The following FER1L6 variants were observed in gnomAD, a reference collection of about 807,000 sequenced individuals.
FER1L6 encodes the protein fer-1-like protein 6.
In FER1L6, 177 loss-of-function variants were observed where a neutral mutation model predicts 219.2. The ratio of observed to expected loss-of-function variants is 0.81; its 90% CI spans 0.71 to 0.91. The LOEUF (loss-of-function observed/expected upper bound fraction) is 0.91, where lower values mean the gene tolerates loss of function less well. FER1L6 is among the 40% of genes least tolerant of loss of function. The probability of loss-of-function intolerance (pLI) is 0.00; values close to 1 mark genes in which losing one functional copy is unlikely to be tolerated. For synonymous variants in FER1L6, 768 were observed against 824.3 expected, an observed-to-expected ratio of 0.93 and a Z score of 1.17; for missense variants, 2,153 against 2,259.9, an observed-to-expected ratio of 0.95 and a Z score of 0.96.
chr8:123,867,070 G>A (rs562309711), intron 1 of FER1L6, among the ~76,000 whole-genome samples: 77 of 152,216 alleles, frequency 5.1e-4, no homozygotes, highest in African/African-American at 1.8e-3. Flanking sequence ...TTATTTTGAT[G>A]CAATCTCATT....
At chr8:123,935,980 T>C (rs1813976127) in intron 1 of FER1L6, among the ~76,000 whole-genome samples, 1 of 152,178 alleles carries the variant, frequency 6.6e-6, no homozygotes, top group Admixed American at 6.5e-5. Context: ...TGAAAATGTT[T>C]TTCCAAAGCG....
At chr8:124,119,437 C>T (rs1823388454) in intron 40 of FER1L6, among the ~76,000 whole-genome samples, 170 bp from the exon 41 acceptor site, 1 of 152,138 alleles carries the variant, frequency 6.6e-6, no homozygotes, top group African/African-American at 2.4e-5. Context: ...GAATCCTCAT[C>T]ATATAAATGT....
chr8:123,871,939 G>T (rs546265265), intron 1 of FER1L6, among the ~76,000 whole-genome samples: 20 of 152,266 alleles, frequency 1.3e-4, no homozygotes, highest in African/African-American at 4.1e-4. Flanking sequence ...GGCTGTTCTT[G>T]CATTGCTATA....
chr8:123,974,582 G>GCTA (rs1815965014), intron 7 of FER1L6, among the ~76,000 whole-genome samples: 1 of 144,904 alleles, frequency 6.9e-6, no homozygotes. Context: ...GTTGCAGTGA[G>GCTA]CTAAGATCAT....
chr8:123,854,333 T>C (rs1487645403), intron 1 of FER1L6, among the ~76,000 whole-genome samples: 2 of 152,138 alleles, frequency 1.3e-5, no homozygotes, highest in Non-Finnish European at 2.9e-5. Flanking sequence ...TCTGGGGAAA[T>C]CCAAGGCTCC....
intron 1 of FER1L6, among the ~76,000 whole-genome samples, chr8:123,914,156 G>T (rs1586459526): frequency 6.6e-6 from 1 of 152,216 alleles, no homozygotes; most frequent in Non-Finnish European, 1.5e-5. Context: ...CACATAGATT[G>T]GTGGCTACCA....
At chr8:123,981,108 G>A (rs573817233) in intron 11 of FER1L6, among the ~76,000 whole-genome samples, 4 of 152,142 alleles carry the variant, frequency 2.6e-5, no homozygotes, top group Admixed American at 6.5e-5. Flanking sequence ...TGGGTGGTAC[G>A]GGATTGATTA....
rs542701341 is a variant in FER1L6, at chr8:123,953,975, C to G, written c.-7-2017C>G. Among the ~76,000 whole-genome samples, 6 of 152,300 alleles carry G rather than the reference C, an allele frequency of 3.9e-5. No individual in the cohort carries two copies. In the East Asian group the frequency reaches 1.2e-3, roughly 29 times the overall value. On this transcript the variant is annotated intron_variant, in intron 1 of 40. Transcript: ENST00000522917. Reference sequence around the variant, plus strand: ...GGGAGATTTAGGATGATGTTCTCATCAGAGGATGATGGCAAATCAAAGGGG... The same window carrying G: ...GGGAGATTTAGGATGATGTTCTCATGAGAGGATGATGGCAAATCAAAGGGG...
chr8:123,959,213 G>A (rs1444739022), intron 2 of FER1L6, among the ~76,000 whole-genome samples: 2 of 152,106 alleles, frequency 1.3e-5, no homozygotes, highest in African/African-American at 4.8e-5. Context: ...TTTCTACCTC[G>A]ATGTCTCACC....
intron 1 of FER1L6, among the ~76,000 whole-genome samples, chr8:123,946,708 C>A (rs1814508607): frequency 6.6e-6 from 1 of 152,124 alleles, no homozygotes; most frequent in South Asian, 2.1e-4. Flanking sequence ...GTTACATACT[C>A]AATCTTCCCT....
intron 1 of FER1L6, among the ~76,000 whole-genome samples, chr8:123,901,663 C>T (rs182395516): frequency 3.3e-5 from 5 of 151,664 alleles, no homozygotes; most frequent in Admixed American, 6.6e-5. Flanking sequence ...CTCTTAGCAC[C>T]GCCTTTGCCG....
At chr8:124,080,681 C>T (rs1381226134) in intron 32 of FER1L6, among the ~76,000 whole-genome samples, 1 of 152,074 alleles carries the variant, frequency 6.6e-6, no homozygotes, top group Non-Finnish European at 1.5e-5. Context: ...TATACGGACC[C>T]ACAGCTTGGG....
intron 1 of FER1L6, among the ~76,000 whole-genome samples, chr8:123,895,544 G>C (rs1315262142): frequency 6.6e-6 from 1 of 152,142 alleles, no homozygotes; most frequent in African/African-American, 2.4e-5. Flanking sequence ...CCCACAGCTC[G>C]TAGGTCGCGG....
chr8:124,068,170 T>C (rs904235127), intron 28 of FER1L6, among the ~76,000 whole-genome samples: 24 of 152,158 alleles, frequency 1.6e-4, no homozygotes, highest in African/African-American at 5.3e-4. Context: ...GTCTACAGGA[T>C]TGGATAGATC....
At chr8:123,953,417 C>T (rs1433079393) in intron 1 of FER1L6, among the ~76,000 whole-genome samples, 3 of 152,134 alleles carry the variant, frequency 2.0e-5, no homozygotes, top group South Asian at 4.1e-4. Context: ...GAAGGTGGTT[C>T]GAGATATCAG....
intron 39 of FER1L6, among the ~76,000 whole-genome samples, chr8:124,109,062 G>A (rs1200396693): frequency 1.3e-5 from 2 of 152,162 alleles, no homozygotes; most frequent in Non-Finnish European, 2.9e-5. Context: ...GTCTCATGCT[G>A]AGAAAAAATT....
intron 19 of FER1L6, among the ~76,000 whole-genome samples, chr8:124,036,463 G>A (rs1373757365): frequency 6.6e-6 from 1 of 152,172 alleles, no homozygotes; most frequent in African/African-American, 2.4e-5. Flanking sequence ...TCAACCCTGG[G>A]AAGACTCTTC....
At chr8:123,911,354 G>A (rs1239300944) in intron 1 of FER1L6, among the ~76,000 whole-genome samples, 3 of 152,104 alleles carry the variant, frequency 2.0e-5, no homozygotes, top group Non-Finnish European at 4.4e-5. Flanking sequence ...TAATAATAGT[G>A]ACAATGGTAA....
chr8:124,114,812 A>G (rs1363559835), intron 39 of FER1L6, among the ~76,000 whole-genome samples: 1 of 150,502 alleles, frequency 6.6e-6, no homozygotes, highest in African/African-American at 2.4e-5. Context: ...ATGATCTTAT[A>G]TATGTATGTA....
Sources: gnomAD v4.1 joint callset for allele counts (sites outside exome capture counted in the v4.1 genomes callset) on GRCh38, gnomAD v4.1.1 for gene constraint, MANE v1.5 for transcripts, NCBI Gene and HGNC (gene_info 2026-07-23, HGNC 2026-07-21) for gene names.